Variants in YTHDC2 observed in about 807,000 individuals in gnomAD.
The protein encoded by YTHDC2 is YTH N6-methyladenosine RNA binding protein C2.
Under a neutral mutation model 174.9 loss-of-function variants are expected in YTHDC2, and 45 were observed. That is an observed-to-expected ratio of 0.26 (90% confidence interval 0.20 to 0.33). The LOEUF is 0.33. Among genes scored for constraint, YTHDC2 ranks in the 10% least tolerant of loss-of-function variants. YTHDC2 has a pLI of 1.00. For synonymous variants in YTHDC2, 657 were observed against 574.5 expected, an observed-to-expected ratio of 1.14 and a Z score of -2.05; for missense variants, 1,650 against 1,723.7, an observed-to-expected ratio of 0.96 and a Z score of 0.76.
chr5:113,516,215 A>G (rs1773414035), intron 2 of YTHDC2, among the ~76,000 whole-genome samples: 1 of 152,236 alleles, frequency 6.6e-6, no homozygotes, highest in Non-Finnish European at 1.5e-5. Context: ...GCAATTATTT[A>G]TGGAACTTAC....
At chr5:113,584,565 G>A in intron 26 of YTHDC2, 86 bp downstream of exon 26, 2 of 1,178,446 alleles carry the variant, frequency 1.7e-6, no homozygotes, top group Non-Finnish European at 2.4e-6. Context: ...AACAATTAGA[G>A]TACTTTTCTA....
chr5:113,530,281 C>G (rs1450169088), intron 4 of YTHDC2, among the ~76,000 whole-genome samples: 1 of 152,122 alleles, frequency 6.6e-6, no homozygotes, highest in Non-Finnish European at 1.5e-5. Flanking sequence ...ATTTAAGAGG[C>G]TATTTTTGAC....
chr5:113,538,992 T>G (rs1398991588), intron 7 of YTHDC2, 82 bp from the exon 8 acceptor site: 2 of 671,108 alleles, frequency 3.0e-6, no homozygotes, highest in Admixed American at 4.1e-5. Context: ...ATACTGAGAT[T>G]CATTAACTTG....
At position 113,591,351 on chromosome 5, in the gene YTHDC2, C is replaced by G. The variant is rs570980013; in HGVS notation, c.4029+107C>G. 10 of 1,128,314 alleles carry G rather than the reference C, an allele frequency of 8.9e-6. No individual in the cohort carries two copies. In the East Asian group the frequency reaches 1.4e-4, roughly 16 times the overall value. 69.9% of individuals were successfully genotyped at this position (1,128,314 alleles called of 1,614,324 possible). A position where few individuals can be genotyped will look rare whatever the true frequency, so the allele number is the denominator to read the frequency against. On this transcript the variant is annotated intron_variant, in intron 27 of 29. Transcript: ENST00000161863. ...TTCATTGCATCAGAATGCAAGAATGCCTTTTGCTTGACTGAGAATAAGGGA... is the reference window on the plus strand; with the variant it reads ...TTCATTGCATCAGAATGCAAGAATGGCTTTTGCTTGACTGAGAATAAGGGA...
chr5:113,532,305 A>G (rs920715815), intron 4 of YTHDC2, among the ~76,000 whole-genome samples: 10 of 152,180 alleles, frequency 6.6e-5, no homozygotes, highest in African/African-American at 2.4e-4. Context: ...CATAAGTAAC[A>G]GTAGTTACTT....
rs553810161 is a variant in YTHDC2 at position 113,567,785 on chromosome 5, A to G, written c.3180A>G (p.Ile1060Met). The G allele has an allele frequency of 1.6e-5, 25 of 1,606,004 alleles. No individual in the cohort carries two copies. In the East Asian group the frequency reaches 4.1e-4, roughly 26 times the overall value. The change falls in exon 23 of 30, where the codon ATA becomes ATG. Residue 1060 changes from isoleucine to methionine, a missense_variant. By Grantham distance (10) the Ile-to-Met change is conservative. Around this residue, in one of 5 missense-constraint regions of YTHDC2, gnomAD observed 913 missense variants for 940.4 expected, o/e 0.97. Transcript: ENST00000161863. ...GTTCAGCAGTGACGCCTGTCACTAT[A>G]TTGGTATTCTGTGGACCAGCTAGAT... is the stretch of plus-strand genomic sequence containing the variant. Reference protein sequence around the residue: ...RCCSAVTPVTILVFCGPARLA... With the variant: ...RCCSAVTPVTMLVFCGPARLA...
intron 18 of YTHDC2, 54 bp from the exon 19 acceptor site, chr5:113,563,319 G>T: frequency 2.1e-6 from 3 of 1,459,304 alleles, no homozygotes; most frequent in Non-Finnish European, 2.8e-6. Flanking sequence ...CTTTAAATGT[G>T]TAGGTTAGTA....
chr5:113,564,352 A>G (rs1270614531), intron 20 of YTHDC2, among the ~76,000 whole-genome samples: 1 of 152,158 alleles, frequency 6.6e-6, no homozygotes, highest in African/African-American at 2.4e-5. Context: ...ATAGGAATAT[A>G]TGTGTGTATT....
chr5:113,563,387 T>C lies in YTHDC2; in HGVS notation c.2337T>C (p.His779=), dbSNP rs1230473987. 9 of 1,610,376 alleles carry C rather than the reference T, an allele frequency of 5.6e-6. No homozygotes were observed. Among genetic ancestry groups the C allele is most frequent in the South Asian group, 1.1e-5 (1 of 90,270 alleles). ...TTGGTTTATAGGAACTTTGCTTACA[T>C]ACCAAGCTGTTAGCCCCAGTTAATT... ...LRMPLQELCL[H]TKLLAPVNCP... is the part of the protein sequence containing the mutation. Residue 779 remains histidine, a synonymous_variant, in exon 19 of 30, where the codon CAT becomes CAC. Transcript: ENST00000161863.
At chr5:113,515,174 TTGTC>T (rs1297015823) in intron 1 of YTHDC2, 94 bp from the exon 2 acceptor site, 5 of 702,474 alleles carry the variant, frequency 7.1e-6, no homozygotes, top group African/African-American at 1.8e-5. Flanking sequence ...ATAAATTTGA[TTGTC>T]TATGTATGTT....
In YTHDC2 at chr5:113,561,957, G is replaced by GGTGGGTGGGTGTGTGT. The variant is rs1347716150; in HGVS notation, c.2322+775_2322+776insGGTGGGTGTGTGTGTG. Among the ~76,000 whole-genome samples, 923 of 134,936 alleles carry GGTGGGTGGGTGTGTGT rather than the reference G, an allele frequency of 6.8e-3. 3 individuals carry two copies. Among genetic ancestry groups the GGTGGGTGGGTGTGTGT allele is most frequent in the Admixed American group, 8.3e-3 (108 of 12,990 alleles). 88.5% of individuals were successfully genotyped at this position (134,936 alleles called of 152,430 possible). On this transcript the variant is annotated intron_variant, in intron 18 of 29. Transcript: ENST00000161863. ...GATTTTCTGACCTCTATTAATTGTG[G>GGTGGGTGGGTGTGTGT]GTGTGTGTGTGTGTGTGTGTGTGTG...
rs1465283325 is a variant in YTHDC2, at chr5:113,547,943, T to C, written c.1496-598T>C. ...TATATTGAATTGCTTGAGAAATATATTCTAGGAAGAAACTTCAATAGAACT... is the reference window on the plus strand; with the variant it reads ...TATATTGAATTGCTTGAGAAATATACTCTAGGAAGAAACTTCAATAGAACT... On this transcript the variant is annotated intron_variant, in intron 10 of 29. Transcript: ENST00000161863. Among the ~76,000 whole-genome samples the C allele has an allele frequency of 1.4e-4, 21 of 152,184 alleles. 1 individual carries two copies.
At position 113,592,162 on chromosome 5, in the gene YTHDC2, T is replaced by G. The variant is rs1174110224; in HGVS notation, c.4196T>G (p.Ile1399Arg). The change falls in exon 28 of 30, where the codon ATA (isoleucine) becomes AGA (arginine). Residue 1399 changes from isoleucine (I) to arginine (R), a missense_variant. Around this residue, in one of 5 missense-constraint regions of YTHDC2, gnomAD observed 913 missense variants for 940.4 expected, o/e 0.97. Transcript: ENST00000161863. ...NPWNDNKKVQ[I>R]SRDGQELEPL... ...TGGAATGACAACAAGAAAGTGCAGATAAGCAGGGATGGGCAGGTATACAAT... is the reference window on the plus strand; with the variant it reads ...TGGAATGACAACAAGAAAGTGCAGAGAAGCAGGGATGGGCAGGTATACAAT... 2 of 1,611,412 alleles carry G rather than the reference T, an allele frequency of 1.2e-6. No individual in the cohort carries two copies. The highest frequency in any genetic ancestry group is 1.7e-6 in the Non-Finnish European group (2 of 1,178,932).
rs746076000 is a variant in YTHDC2 at position 113,567,692 on chromosome 5, A to G, written c.3087A>G (p.Ala1029=). ...PANGQAAAIK[A]LPTDWLIYDE... ...ATGGTCAAGCTGCAGCAATTAAGGC[A>G]CTGCCCACAGATTGGCTTATTTATG... is the stretch of plus-strand genomic sequence containing the variant. The change falls in exon 23 of 30, where the codon GCA becomes GCG. Residue 1029 remains alanine (A), a synonymous_variant. Coordinates refer to ENST00000161863, the MANE Select transcript of YTHDC2 (RefSeq NM_022828.5). 1.2e-6 allele frequency: 2 copies of G among 1,606,896 alleles called. No individual in the cohort carries two copies. Among genetic ancestry groups the G allele is most frequent in the South Asian group, 2.2e-5 (2 of 89,236 alleles).
chr5:113,549,102 G>A lies in YTHDC2; in HGVS notation c.1688+82G>A. The A allele has an allele frequency of 5.8e-6, 7 of 1,203,364 alleles. No homozygotes were observed. The South Asian group carries it at 6.8e-5, about 12-fold the overall frequency. The allele number at this position is 1,203,364 out of a possible 1,614,324, so 74.5% of individuals were successfully genotyped here. A position where few individuals can be genotyped will look rare whatever the true frequency, so the allele number is the denominator to read the frequency against. On this transcript the variant is annotated intron_variant, in intron 12 of 29. Transcript: ENST00000161863. The stretch of plus-strand genomic sequence containing the variant: ...CATATAAATTATGGGCTATTCAAAT[G>A]TAGACCATTTATAGTCTTTTATCCA...
intron 28 of YTHDC2, chr5:113,592,795 G>A (rs1156384041): frequency 6.6e-6 from 1 of 152,276 alleles, no homozygotes; most frequent in African/African-American, 2.4e-5. Flanking sequence ...AATTGTGTGA[G>A]AATAATTTCA....
intron 7 of YTHDC2, among the ~76,000 whole-genome samples, chr5:113,536,915 T>G (rs1450916335): frequency 6.6e-6 from 1 of 152,212 alleles, no homozygotes; most frequent in African/African-American, 2.4e-5. Context: ...TCATGAACAG[T>G]TTTCCAGTTT....
chr5:113,572,889 G>A (rs1400534130), intron 23 of YTHDC2, among the ~76,000 whole-genome samples: 2 of 152,126 alleles, frequency 1.3e-5, no homozygotes, highest in Non-Finnish European at 2.9e-5. Context: ...CAGCATACTC[G>A]TGGGTCTTGG....
intron 17 of YTHDC2, among the ~76,000 whole-genome samples, chr5:113,557,045 CTT>C (rs1776655144): frequency 1.3e-5 from 2 of 152,006 alleles, no homozygotes; most frequent in Admixed American, 1.3e-4. Flanking sequence ...ATCTAGTAGT[CTT>C]TTGTGGTAAG....
Sources: gnomAD v4.1 joint callset for allele counts (sites outside exome capture counted in the v4.1 genomes callset) on GRCh38, gnomAD v4.1.1 for gene constraint, gnomAD v4.1.1 regional missense constraint, MANE v1.5 for transcripts, NCBI Gene and HGNC (gene_info 2026-07-23, HGNC 2026-07-21) for gene names.